CHRM3: variants seen among roughly 807,000 people sequenced by gnomAD.
CHRM3 encodes the protein cholinergic receptor muscarinic 3, also known as muscarinic acetylcholine receptor M3.
Under a neutral mutation model 41.8 loss-of-function variants are expected in CHRM3, and 11 were observed. The observed-to-expected ratio is 0.26, with a 90% CI of 0.17 to 0.44. The LOEUF is 0.44. CHRM3 is among the 20% of genes least tolerant of loss of function. The pLI is 1.00. For synonymous variants in CHRM3, 297 were observed against 301.4 expected, an observed-to-expected ratio of 0.99 and a Z score of 0.15; for missense variants, 571 against 745.4, an observed-to-expected ratio of 0.77 and a Z score of 2.72.
intron 6 of CHRM3, among the ~76,000 whole-genome samples, chr1:239,869,230 C>A (rs529021865): frequency 6.6e-6 from 1 of 152,188 alleles, no homozygotes; most frequent in East Asian, 1.9e-4. Flanking sequence ...CTAAAAGGAA[C>A]CATATGGTAC....
intron 3 of CHRM3, among the ~76,000 whole-genome samples, chr1:239,550,255 A>T (rs1659689231): frequency 6.6e-6 from 1 of 151,940 alleles, no homozygotes; most frequent in Non-Finnish European, 1.5e-5. Flanking sequence ...ATCTGTGAAA[A>T]CTTCCTTGAT....
chr1:239,593,340 T>C (rs1664403530), intron 3 of CHRM3, among the ~76,000 whole-genome samples: 1 of 152,194 alleles, frequency 6.6e-6, no homozygotes, highest in African/African-American at 2.4e-5. Flanking sequence ...CATTTTGTTT[T>C]TGTTTTTGTT....
At chr1:239,821,608 A>G (rs1672057523) in intron 5 of CHRM3, among the ~76,000 whole-genome samples, 1 of 152,206 alleles carries the variant, frequency 6.6e-6, no homozygotes, top group South Asian at 2.1e-4. Flanking sequence ...AACCCTCACC[A>G]TGCACGTCAA....
chr1:239,667,604 G>A (rs1215483711), intron 4 of CHRM3, among the ~76,000 whole-genome samples: 1 of 152,190 alleles, frequency 6.6e-6, no homozygotes, highest in Non-Finnish European at 1.5e-5. Context: ...TGAAGCTCAA[G>A]GGGGAGAATT....
At chr1:239,846,796 G>C (rs1674301702) in intron 6 of CHRM3, among the ~76,000 whole-genome samples, 1 of 152,102 alleles carries the variant, frequency 6.6e-6, no homozygotes, top group Non-Finnish European at 1.5e-5. Flanking sequence ...GTTACTATGT[G>C]ACTATAAATG....
chr1:239,706,183 C>A (rs1661144480), intron 5 of CHRM3: 1 of 148,834 alleles, frequency 6.7e-6, no homozygotes. Context: ...AGTGAATATG[C>A]AATAAAATGT....
At chr1:239,719,025 T>A (rs1047538128) in intron 5 of CHRM3, 1 of 151,862 alleles carries the variant, frequency 6.6e-6, no homozygotes, top group African/African-American at 2.4e-5. Context: ...CTCCAAAAAA[T>A]AAGAGAGAGG....
In CHRM3 at chr1:239,656,330, T is replaced by A. The variant is rs569882133; in HGVS notation, c.-249-21856T>A. Among the ~76,000 whole-genome samples the A allele has an allele frequency of 1.3e-3, 151 of 116,818 alleles. 2 individuals are homozygous for A. Among genetic ancestry groups the A allele is most frequent in the African/African-American group, 4.0e-3 (143 of 35,670 alleles). The allele number at this position is 116,818 out of a possible 152,430, so 76.6% of individuals were successfully genotyped here. On this transcript the variant is annotated intron_variant, in intron 4 of 6. Coordinates refer to ENST00000676153, the MANE Select transcript of CHRM3 (RefSeq NM_001375978.1). The stretch of plus-strand genomic sequence containing the variant: ...AAATTGTTTAATAAAATATTTTTTT[T>A]TAAAAAAAGGGTTAGGTATGATAGC...
At chr1:239,733,084 C>T (rs1480386362) in intron 5 of CHRM3, among the ~76,000 whole-genome samples, 1 of 152,050 alleles carries the variant, frequency 6.6e-6, no homozygotes, top group African/African-American at 2.4e-5. Flanking sequence ...TGCCTAAATG[C>T]CATTTTATTC....
chr1:239,901,605 G>A (rs528562418), intron 6 of CHRM3, among the ~76,000 whole-genome samples: 9 of 151,778 alleles, frequency 5.9e-5, no homozygotes, highest in South Asian at 4.2e-4. Context: ...AAATTTTATC[G>A]TGTTGTATTT....
chr1:239,687,088 T>C (rs1213186363), intron 5 of CHRM3, among the ~76,000 whole-genome samples: 1 of 151,748 alleles, frequency 6.6e-6, no homozygotes, highest in Non-Finnish European at 1.5e-5. Flanking sequence ...TGTAAGATTA[T>C]CTATTACATT....
intron 4 of CHRM3, among the ~76,000 whole-genome samples, chr1:239,651,262 A>G (rs1672216274): frequency 6.6e-6 from 1 of 152,242 alleles, no homozygotes; most frequent in Non-Finnish European, 1.5e-5. Flanking sequence ...ATATGAGCTG[A>G]TGTGTCAAAT....
At chr1:239,493,842 A>G (rs974732598) in intron 2 of CHRM3, among the ~76,000 whole-genome samples, 1 of 152,196 alleles carries the variant, frequency 6.6e-6, no homozygotes, top group Non-Finnish European at 1.5e-5. Context: ...AACCTGATGC[A>G]GGAAAGGCAG....
intron 6 of CHRM3, among the ~76,000 whole-genome samples, chr1:239,901,874 G>A (rs913954706): frequency 6.6e-6 from 1 of 152,168 alleles, no homozygotes; most frequent in Non-Finnish European, 1.5e-5. Context: ...TAGATACCTA[G>A]CAGTTGGATT....
chr1:239,780,044 G>C (rs1330199218), intron 5 of CHRM3, among the ~76,000 whole-genome samples: 1 of 152,088 alleles, frequency 6.6e-6, no homozygotes, highest in Non-Finnish European at 1.5e-5. Context: ...AGGACATCTT[G>C]GTTGCTTTCA....
intron 5 of CHRM3, among the ~76,000 whole-genome samples, chr1:239,787,005 AG>A (rs1668958719): frequency 6.6e-6 from 1 of 152,200 alleles, no homozygotes; most frequent in South Asian, 2.1e-4. Context: ...CATTTGTCAG[AG>A]GGGCCAGACA....
intron 3 of CHRM3, chr1:239,546,389 G>C (rs1659303929): frequency 6.6e-6 from 1 of 152,096 alleles, no homozygotes; most frequent in African/African-American, 2.4e-5. Context: ...AGAGGTAACG[G>C]ATGTGAAATT....
intron 3 of CHRM3, among the ~76,000 whole-genome samples, chr1:239,586,019 G>T (rs1015047423): frequency 1.3e-5 from 2 of 152,118 alleles, no homozygotes; most frequent in African/African-American, 4.8e-5. Context: ...TGCAGATCTT[G>T]GTTTAAGGTA....
intron 5 of CHRM3, chr1:239,707,325 T>TC (rs1186420110): frequency 6.6e-6 from 1 of 152,070 alleles, no homozygotes; most frequent in Non-Finnish European, 1.5e-5. Flanking sequence ...TATTCGCGAG[T>TC]CTAAAAAAAA....
Sources: gnomAD v4.1 joint callset for allele counts (sites outside exome capture counted in the v4.1 genomes callset) on GRCh38, gnomAD v4.1.1 for gene constraint, MANE v1.5 for transcripts, NCBI Gene and HGNC (gene_info 2026-07-23, HGNC 2026-07-21) for gene names.